Variants in AGBL4 observed in about 807,000 individuals in gnomAD.
AGBL4 encodes the protein AGBL carboxypeptidase 4.
A neutral mutation model predicts 66.4 loss-of-function variants in AGBL4; 58 were observed. The ratio of observed to expected loss-of-function variants is 0.87; its 90% CI spans 0.71 to 1.09. The LOEUF (loss-of-function observed/expected upper bound fraction) is 1.09, where lower values mean the gene tolerates loss of function less well. AGBL4 is among the 50% of genes least tolerant of loss of function. The pLI is 0.00. For synonymous variants in AGBL4, 234 were observed against 222.9 expected (o/e 1.05, Z -0.44); for missense variants, 579 against 631.0 (o/e 0.92, Z 0.88).
At chr1:49,437,214 T>A (rs1188278368) in intron 3 of AGBL4, among the ~76,000 whole-genome samples, 3 of 152,206 alleles carry the variant, frequency 2.0e-5, no homozygotes, top group African/African-American at 7.2e-5. Context: ...TCAACCTTAT[T>A]ACTTTGGAAT....
In AGBL4 at chr1:49,256,945, G is replaced by C. The variant is rs571760569; in HGVS notation, c.283-11081C>G. Among the ~76,000 whole-genome samples, 241 of 151,898 alleles carry C rather than the reference G, an allele frequency of 1.6e-3. 4 individuals are homozygous for C. Among genetic ancestry groups the C allele is most frequent in the African/African-American group, 5.6e-3 (234 of 41,432 alleles). On this transcript the variant is annotated intron_variant, in intron 3 of 13. Coordinates refer to ENST00000371839, the MANE Select transcript of AGBL4 (RefSeq NM_032785.4). ...ACAAACCAAGCTGGGTCTCTACCTA[G>C]CACCAAATACAGAAATAAAACCCAA...
At chr1:49,427,587 T>C (rs1271293947) in intron 3 of AGBL4, among the ~76,000 whole-genome samples, 1 of 152,156 alleles carries the variant, frequency 6.6e-6, no homozygotes, top group Non-Finnish European at 1.5e-5. Context: ...TGTTCAGATG[T>C]GTCCGGAGTT....
At chr1:48,658,237 A>G (rs1169438055) in intron 7 of AGBL4, among the ~76,000 whole-genome samples, 3 of 152,246 alleles carry the variant, frequency 2.0e-5, no homozygotes, top group Non-Finnish European at 4.4e-5. Context: ...AGATGCACAG[A>G]GCAAGGAGTC....
intron 3 of AGBL4, among the ~76,000 whole-genome samples, chr1:49,490,148 C>T (rs916365702): frequency 2.6e-5 from 4 of 151,672 alleles, no homozygotes; most frequent in Admixed American, 1.3e-4. Context: ...GTTTTGACAA[C>T]AATTTGTGGT....
intron 5 of AGBL4, among the ~76,000 whole-genome samples, chr1:49,021,255 AGAG>A (rs1487075522): frequency 6.6e-6 from 1 of 152,224 alleles, no homozygotes; most frequent in African/African-American, 2.4e-5. Context: ...CCCATGTTTC[AGAG>A]AATAATAATC....
intron 2 of AGBL4, among the ~76,000 whole-genome samples, chr1:49,752,221 AATTTCCCTCTTAACACTG>A (rs1370783636): frequency 6.6e-6 from 1 of 152,058 alleles, no homozygotes; most frequent in East Asian, 1.9e-4. Flanking sequence ...TAGTGCTATA[AATTTCCCTCTTAACACTG>A]CTTTAGCTGT....
At chr1:49,743,868 C>G (rs1650764700) in intron 2 of AGBL4, among the ~76,000 whole-genome samples, 1 of 131,872 alleles carries the variant, frequency 7.6e-6, no homozygotes, top group South Asian at 2.3e-4. Flanking sequence ...AACACATGGA[C>G]ACAGGAAGGG....
At chr1:49,790,121 G>C (rs561328686) in intron 2 of AGBL4, among the ~76,000 whole-genome samples, 1 of 152,136 alleles carries the variant, frequency 6.6e-6, no homozygotes, top group Non-Finnish European at 1.5e-5. Context: ...GCTCACGCCT[G>C]TAATCCCAGC....
chr1:49,205,740 T>A (rs1648082090), intron 4 of AGBL4, among the ~76,000 whole-genome samples: 1 of 152,130 alleles, frequency 6.6e-6, no homozygotes, highest in African/African-American at 2.4e-5. Flanking sequence ...CAAATTATGT[T>A]TCTGAAATAT....
At chr1:48,936,915 G>C (rs906529569) in intron 5 of AGBL4, among the ~76,000 whole-genome samples, 3 of 152,088 alleles carry the variant, frequency 2.0e-5, no homozygotes, top group African/African-American at 7.2e-5. Context: ...AAGGGCAATT[G>C]GGAATCTCCC....
At chr1:49,727,866 T>TATC (rs1273924303) in intron 2 of AGBL4, among the ~76,000 whole-genome samples, 1 of 152,004 alleles carries the variant, frequency 6.6e-6, no homozygotes, top group African/African-American at 2.4e-5. Flanking sequence ...CATTATGACT[T>TATC]ATTATTATTA....
chr1:49,888,109 G>T lies in AGBL4; in HGVS notation c.35-36591C>A, dbSNP rs939585155. Among the ~76,000 whole-genome samples, 43 of 152,218 alleles carry T rather than the reference G, an allele frequency of 2.8e-4. 1 individual carries two copies. The highest frequency in any genetic ancestry group is 9.9e-4 in the African/African-American group (41 of 41,558). The stretch of plus-strand genomic sequence containing the variant: ...TCAAACTACCTTCATAAACAAAAAT[G>T]TTAAGCCAAAATTAACAAAGATAAA... On this transcript the variant is annotated intron_variant, in intron 1 of 13. Transcript: ENST00000371839.
intron 3 of AGBL4, among the ~76,000 whole-genome samples, chr1:49,665,654 CAATT>C (rs1646350312): frequency 6.6e-6 from 1 of 152,038 alleles, no homozygotes; most frequent in African/African-American, 2.4e-5. Flanking sequence ...AAAAAGTTCT[CAATT>C]AACCATCAAA....
intron 3 of AGBL4, among the ~76,000 whole-genome samples, chr1:49,324,279 C>T (rs113549967): frequency 6.6e-5 from 10 of 152,338 alleles, no homozygotes; most frequent in African/African-American, 2.4e-4. Flanking sequence ...ACAGAAAATT[C>T]ATCTCAACCC....
intron 3 of AGBL4, among the ~76,000 whole-genome samples, chr1:49,263,168 G>A (rs1164080469): frequency 6.6e-6 from 1 of 151,446 alleles, no homozygotes; most frequent in Admixed American, 6.6e-5. Context: ...GGTGGGGGGA[G>A]TGGGGAGGGA....
In AGBL4 at chr1:49,501,710, T is replaced by C. The variant is rs549927513; in HGVS notation, c.282+195603A>G. Among the ~76,000 whole-genome samples the C allele has an allele frequency of 6.7e-4, 102 of 152,112 alleles. 2 individuals are homozygous for C. In the South Asian group the frequency reaches 0.012, roughly 17 times the overall value. ...TTGAGGTGTAATATTAGGTGTTTAT[T>C]TGAGATTTTTCTTATTTTTTAATGT... On this transcript the variant is annotated intron_variant, in intron 3 of 13. Coordinates refer to ENST00000371839, the MANE Select transcript of AGBL4 (RefSeq NM_032785.4).
intron 11 of AGBL4, among the ~76,000 whole-genome samples, chr1:48,570,582 A>G (rs1644545935): frequency 6.6e-6 from 1 of 152,134 alleles, no homozygotes; most frequent in South Asian, 2.1e-4. Flanking sequence ...TGACTGCTTC[A>G]TAACGCTGCC....
intron 1 of AGBL4, among the ~76,000 whole-genome samples, chr1:49,938,519 A>C (rs1377963114): frequency 1.3e-5 from 2 of 152,218 alleles, no homozygotes; most frequent in African/African-American, 4.8e-5. Context: ...TCCTGATACC[A>C]AAGCCGGGCA....
At chr1:48,900,733 T>C (rs1652005704) in intron 5 of AGBL4, among the ~76,000 whole-genome samples, 1 of 152,206 alleles carries the variant, frequency 6.6e-6, no homozygotes, top group Non-Finnish European at 1.5e-5. Context: ...TGTAAATTCA[T>C]TCAAAATGGC....
Sources: allele counts gnomAD v4.1 joint callset (sites outside exome capture counted in the v4.1 genomes callset), GRCh38; gene constraint gnomAD v4.1.1; transcripts MANE v1.5; gene names NCBI Gene and HGNC (gene_info 2026-07-23, HGNC 2026-07-21).